Variants in CAMSAP2 observed in about 807,000 individuals in gnomAD.
CAMSAP2 encodes calmodulin-regulated spectrin-associated protein 2.
A neutral mutation model predicts 146.1 loss-of-function variants in CAMSAP2; 26 were observed. The observed-to-expected ratio is 0.18, with a 90% CI of 0.13 to 0.25. The LOEUF (loss-of-function observed/expected upper bound fraction) is 0.25, where lower values mean the gene tolerates loss of function less well. Ranked by LOEUF, CAMSAP2 falls within the 10% of genes least tolerant of loss-of-function variation. The pLI, the probability that CAMSAP2 is intolerant of heterozygous loss-of-function variation, is 1.00. For missense variants in CAMSAP2, 1,381 were observed against 1,759.3 expected (o/e 0.78, Z 3.85); for synonymous variants, 499 against 596.6 (o/e 0.84, Z 2.38).
At position 200,748,498 on chromosome 1, in the gene CAMSAP2, G is replaced by A. The variant is rs181823047; in HGVS notation, c.139+8532G>A. ...ATCTAAAGGCCATACTTTGTAATTC[G>A]TTGATATCTCTTTATATTGTTGTGT... On this transcript the variant is annotated intron_variant, in intron 1 of 16. Transcript: ENST00000358823. Among the ~76,000 whole-genome samples the A allele has an allele frequency of 2.6e-3, 388 of 151,834 alleles. 3 individuals carry two copies. Among genetic ancestry groups the A allele is most frequent in the Non-Finnish European group, 4.1e-3 (278 of 67,934 alleles).
Position 200,857,161 on chromosome 1 carries a change from C to A in CAMSAP2, c.4013-145C>A. On this transcript the variant is annotated intron_variant, in intron 15 of 16. Transcript: ENST00000358823. The surrounding 1 kb of genome is among the most constrained non-coding windows in gnomAD (Gnocchi z 4.7). ...ATAAAACAATGTTTTGGTTGGATTG[C>A]AGCCAGTAAGAGGCCTTTAAGCACA... 1.5e-6 allele frequency: 1 copy of A among 658,372 alleles called. No individual in the cohort carries two copies. The highest frequency in any genetic ancestry group is 2.7e-6 in the Non-Finnish European group (1 of 370,136). 40.8% of individuals were successfully genotyped at this position (658,372 alleles called of 1,614,324 possible).
chr1:200,848,939 G>C lies in CAMSAP2; in HGVS notation c.2170G>C (p.Val724Leu). Residue 724 changes from valine (V) to leucine (L), a missense_variant, in exon 11 of 17, where the codon GTG becomes CTG. By Grantham distance (32) the Val-to-Leu change is conservative. Transcript: ENST00000358823. ...PEGSELNIPH[V>L]VAWAQIPEET... ...AGGCTCTGAACTTAATATTCCTCATGTGGTTGCTTGGGCACAAATTCCAGA... is the reference window on the plus strand; with the variant it reads ...AGGCTCTGAACTTAATATTCCTCATCTGGTTGCTTGGGCACAAATTCCAGA... The C allele has an allele frequency of 6.2e-7, 1 of 1,614,218 alleles. No individual in the cohort carries two copies. Among genetic ancestry groups the C allele is most frequent in the Non-Finnish European group, 8.5e-7 (1 of 1,180,026 alleles).
intron 3 of CAMSAP2, among the ~76,000 whole-genome samples, chr1:200,811,127 T>C (rs949586354): frequency 6.6e-6 from 1 of 152,198 alleles, no homozygotes; most frequent in African/African-American, 2.4e-5. Context: ...AACTCAATCT[T>C]TACTTCTAAA....
chr1:200,805,797 A>C (rs1434784429), intron 2 of CAMSAP2, among the ~76,000 whole-genome samples: 1 of 152,218 alleles, frequency 6.6e-6, no homozygotes, highest in African/African-American at 2.4e-5. Flanking sequence ...AGGAAATGGT[A>C]GATTCTAAGG....
At chr1:200,792,200 G>A (rs1665773557) in intron 2 of CAMSAP2, among the ~76,000 whole-genome samples, 1 of 152,124 alleles carries the variant, frequency 6.6e-6, no homozygotes, top group Non-Finnish European at 1.5e-5. Flanking sequence ...AATGTTCAAT[G>A]TGTAAGTCAA....
Position 200,739,694 on chromosome 1 carries a change from G to A in CAMSAP2, c.-134G>A, listed in dbSNP as rs1571701396. ...GCGCGGACAGCTGAGCTTCTCCTCC[G>A]TCGGCGCCCGGGCGGACATCGCCCG... On this transcript the variant is annotated 5_prime_UTR_variant, in exon 1 of 17. Coordinates refer to ENST00000358823, the MANE Select transcript of CAMSAP2 (RefSeq NM_203459.4). This position sits in a 1 kb window ranked among gnomAD's most constrained non-coding sequence, Gnocchi z 4.8. The A allele has an allele frequency of 1.9e-5, 16 of 825,328 alleles. No homozygotes were observed. The South Asian group carries it at 4.2e-4, about 22-fold the overall frequency. The allele number at this position is 825,328 out of a possible 1,614,324, so 51.1% of individuals were successfully genotyped here.
intron 4 of CAMSAP2, among the ~76,000 whole-genome samples, chr1:200,817,133 T>C (rs1288138978): frequency 7.3e-6 from 1 of 137,538 alleles, no homozygotes; most frequent in Non-Finnish European, 1.6e-5. Context: ...CACGTATATA[T>C]GTGTATATAT....
chr1:200,816,818 G>GTA, intron 4 of CAMSAP2, among the ~76,000 whole-genome samples: 1 of 69,656 alleles, frequency 1.4e-5, no homozygotes, highest in African/African-American at 7.3e-5. Flanking sequence ...ATATATGTGT[G>GTA]TACACACACA....
At chr1:200,821,866 C>A (rs1666774925) in intron 4 of CAMSAP2, among the ~76,000 whole-genome samples, 1 of 152,098 alleles carries the variant, frequency 6.6e-6, no homozygotes, top group Non-Finnish European at 1.5e-5. Context: ...AGTATGATAA[C>A]CATTAGATTT....
intron 4 of CAMSAP2, among the ~76,000 whole-genome samples, chr1:200,829,523 A>C (rs559491812): frequency 1.4e-4 from 22 of 152,228 alleles, no homozygotes; most frequent in Non-Finnish European, 2.9e-4. Context: ...AAACCATATT[A>C]AATTCTGATT....
At chr1:200,746,377 A>G (rs1187566683) in intron 1 of CAMSAP2, among the ~76,000 whole-genome samples, 1 of 152,132 alleles carries the variant, frequency 6.6e-6, no homozygotes, top group African/African-American at 2.4e-5. Flanking sequence ...AGAAAAGATG[A>G]GATCTTGGGA....
At chr1:200,810,815 G>A (rs1257633675) in intron 3 of CAMSAP2, among the ~76,000 whole-genome samples, 1 of 151,988 alleles carries the variant, frequency 6.6e-6, no homozygotes, top group Admixed American at 6.6e-5. Context: ...CTTGAACCTG[G>A]TAGGTGGAGG....
chr1:200,764,182 T>C (rs1664878542), intron 2 of CAMSAP2, among the ~76,000 whole-genome samples: 1 of 152,218 alleles, frequency 6.6e-6, no homozygotes, highest in Admixed American at 6.5e-5. Context: ...GTGTGTTTAA[T>C]TGCACTGAAT....
chr1:200,797,165 T>C (rs1665907784), intron 2 of CAMSAP2, among the ~76,000 whole-genome samples: 1 of 151,932 alleles, frequency 6.6e-6, no homozygotes, highest in Admixed American at 6.6e-5. Context: ...GAATGATTTA[T>C]AGTCCTTTGG....
At chr1:200,821,290 T>C (rs1666756672) in intron 4 of CAMSAP2, among the ~76,000 whole-genome samples, 1 of 151,780 alleles carries the variant, frequency 6.6e-6, no homozygotes, top group Non-Finnish European at 1.5e-5. Context: ...TCAAGCAATC[T>C]TCCCACCTCA....
chr1:200,748,718 T>C (rs145577631), intron 1 of CAMSAP2, among the ~76,000 whole-genome samples: 21 of 152,200 alleles, frequency 1.4e-4, no homozygotes, highest in African/African-American at 4.6e-4. Context: ...TCGTTATAAA[T>C]TGATAGTTAG....
intron 4 of CAMSAP2, among the ~76,000 whole-genome samples, chr1:200,819,335 G>A (rs974772882): frequency 1.3e-5 from 2 of 152,088 alleles, no homozygotes; most frequent in Non-Finnish European, 2.9e-5. Context: ...AAATTAGGGT[G>A]CCTAATTAAA....
In CAMSAP2 at chr1:200,849,985, C is replaced by T. The variant is rs1667573268; in HGVS notation, c.3216C>T (p.Val1072=). The change falls in exon 11 of 17, where the codon GTC becomes GTT. Residue 1072 remains valine (V), a synonymous_variant. Transcript: ENST00000358823. The surrounding 1 kb of genome is among the most constrained non-coding windows in gnomAD (Gnocchi z 6.3). ...CTTTTGAGTCAACAGTCTCTGAAGT[C>T]CTATCACTGCCTGTCACAGAGACTG... The part of the protein sequence containing the change: ...IKPFESTVSE[V]LSLPVTETVC... 1 of 1,614,000 alleles carries T rather than the reference C, an allele frequency of 6.2e-7. No individual in the cohort carries two copies. Among genetic ancestry groups the T allele is most frequent in the South Asian group, 1.1e-5 (1 of 91,080 alleles).
chr1:200,852,603 A>G lies in CAMSAP2; in HGVS notation c.3528A>G (p.Leu1176=). 1 of 1,613,912 alleles carries G rather than the reference A, an allele frequency of 6.2e-7. No individual in the cohort carries two copies. Among genetic ancestry groups the G allele is most frequent in the African/African-American group, 1.3e-5 (1 of 75,044 alleles). ...MKRAALLEKR[L]RREKETQLRK... ...GGGCAGCTTTGTTGGAGAAAAGATT[A>G]AGAAGGGAAAAGGAAACTCAGCTCC... Residue 1176 remains leucine, a synonymous_variant, in exon 12 of 17, where the codon TTA becomes TTG. Coordinates refer to ENST00000358823, the MANE Select transcript of CAMSAP2 (RefSeq NM_203459.4).
Sources: gnomAD v4.1 joint callset for allele counts (sites outside exome capture counted in the v4.1 genomes callset) on GRCh38, gnomAD v4.1.1 for gene constraint, Gnocchi (gnomAD v3.1) non-coding constraint, MANE v1.5 for transcripts, NCBI Gene and HGNC (gene_info 2026-07-23, HGNC 2026-07-21) for gene names.